SLC1A6: variants seen among roughly 807,000 people sequenced by gnomAD.
SLC1A6 encodes the protein solute carrier family 1 member 6.
In SLC1A6, 15 loss-of-function variants were observed where a neutral mutation model predicts 42.1. That is an observed-to-expected ratio of 0.36 (90% CI 0.24 to 0.55). The LOEUF (loss-of-function observed/expected upper bound fraction) is 0.55, where lower values mean the gene tolerates loss of function less well. SLC1A6 is among the 20% of genes least tolerant of loss of function. SLC1A6 has a pLI of 0.88. For missense variants in SLC1A6, 542 were observed against 772.5 expected (o/e 0.70, Z 3.54); for synonymous variants, 317 against 319.7 (o/e 0.99, Z 0.09).
chr19:14,967,679 G>A (rs898893120), intron 4 of SLC1A6, among the ~76,000 whole-genome samples: 4 of 152,180 alleles, frequency 2.6e-5, no homozygotes, highest in Non-Finnish European at 4.4e-5. Flanking sequence ...AATAAATTGT[G>A]TTCTAGCTGT....
intron 3 of SLC1A6, among the ~76,000 whole-genome samples, chr19:14,969,030 G>A (rs907595333): frequency 1.3e-5 from 2 of 151,912 alleles, no homozygotes; most frequent in Non-Finnish European, 2.9e-5. Flanking sequence ...AGTAGAGACG[G>A]GGTTTCACCA....
Position 14,996,822 on chromosome 19 carries a change from G to A in SLC1A6, c.6+13663C>T, listed in dbSNP as rs141720997. 5.9e-5 allele frequency among the ~76,000 whole-genome samples: 9 copies of A among 151,988 alleles called. No homozygotes were observed. The East Asian group carries it at 1.7e-3, about 29-fold the overall frequency. ...CATTAGGAAAGAAAGATTTTCTAGT[G>A]GGCCCCCAAGTCTACTCTCCATCCT... On this transcript the variant is annotated intron_variant, in intron 1 of 8. Transcript: ENST00000430939.
chr19:14,997,901 C>T (rs1310604161), intron 1 of SLC1A6, among the ~76,000 whole-genome samples: 1 of 151,902 alleles, frequency 6.6e-6, no homozygotes, highest in African/African-American at 2.4e-5. Context: ...GCCAAGAATC[C>T]TGGGCATTTC....
At position 14,972,872 on chromosome 19, in the gene SLC1A6, G is replaced by C; in HGVS notation, c.39C>G (p.Ser13Arg). The C allele has an allele frequency of 1.2e-6, 2 of 1,602,346 alleles. 1 individual carries two copies. Among genetic ancestry groups the C allele is most frequent in the South Asian group, 2.2e-5 (2 of 89,524 alleles). ...AGCCCACCCGGCCCAGCCGCTGGCC[G>C]CTCTCCCGCAGGAACAGGCTGTTGC... ...SHGNSLFLRESGQRLGRVGWL... is the reference protein window; with the variant it reads ...SHGNSLFLRERGQRLGRVGWL... Residue 13 changes from serine to arginine, a missense_variant, in exon 2 of 10, where the codon AGC (serine) becomes AGG (arginine). Ser to Arg is a moderately radical substitution (Grantham distance 110). Around this residue, in one of 6 missense-constraint regions of SLC1A6, gnomAD observed 88 missense variants for 85.5 expected, o/e 1.03. Transcript: ENST00000594383.
intron 1 of SLC1A6, among the ~76,000 whole-genome samples, chr19:15,001,775 C>T (rs1298519822): frequency 1.3e-5 from 2 of 152,102 alleles, no homozygotes; most frequent in Non-Finnish European, 2.9e-5. Flanking sequence ...GATTCTCCTT[C>T]TTCAGCCTCC....
rs948570563 is a variant in SLC1A6, at chr19:14,967,959, C to T, written c.548+344G>A. On this transcript the variant is annotated intron_variant, in intron 4 of 9. Coordinates refer to ENST00000594383, the MANE Select transcript of SLC1A6 (RefSeq NM_005071.3). ...GAAAAGACCTTTTGATGTATAAAGC[C>T]TAAATGTGATACATTTAAATGTTAA... Among the ~76,000 whole-genome samples, 6 of 152,236 alleles carry T rather than the reference C, an allele frequency of 3.9e-5. 1 individual carries two copies. Among genetic ancestry groups the T allele is most frequent in the African/African-American group, 1.4e-4 (6 of 41,536 alleles).
chr19:14,956,835 C>T, intron 6 of SLC1A6, 126 bp from the exon 7 acceptor site: 1 of 608,402 alleles, frequency 1.6e-6, no homozygotes, highest in Non-Finnish European at 2.9e-6. Context: ...GATACGGCAC[C>T]CTACTCCATC....
Position 14,950,073 on chromosome 19 carries a change from C to G in SLC1A6, c.*122G>C, listed in dbSNP as rs1464536542. 3 of 610,292 alleles carry G rather than the reference C, an allele frequency of 4.9e-6. No homozygotes were observed. Among genetic ancestry groups the G allele is most frequent in the Non-Finnish European group, 8.0e-6 (3 of 374,284 alleles). 37.8% of individuals were successfully genotyped at this position (610,292 alleles called of 1,614,324 possible). A position where few individuals can be genotyped will look rare whatever the true frequency, so the allele number is the denominator to read the frequency against. ...CTCCTTTATTTCACTTTTCCCTCCC[C>G]CCTAAATGAGTCAAGCAGAACGTGT... On this transcript the variant is annotated 3_prime_UTR_variant, in exon 10 of 10. Coordinates refer to ENST00000594383, the MANE Select transcript of SLC1A6 (RefSeq NM_005071.3).
chr19:14,982,293 G>C (rs2045772068), upstream of SLC1A6, among the ~76,000 whole-genome samples: 1 of 152,174 alleles, frequency 6.6e-6, no homozygotes, highest in Non-Finnish European at 1.5e-5. Flanking sequence ...CCTTTGGAAG[G>C]CCGAGGTGGG....
At chr19:14,998,755 A>T (rs2045858844) in intron 1 of SLC1A6, among the ~76,000 whole-genome samples, 1 of 151,876 alleles carries the variant, frequency 6.6e-6, no homozygotes, top group Non-Finnish European at 1.5e-5. Flanking sequence ...TTGTGAGGAA[A>T]ATCTACACTT....
intron 1 of SLC1A6, among the ~76,000 whole-genome samples, chr19:15,010,172 CAAGACTCTATGA>C (rs1485944933): frequency 7.9e-6 from 1 of 126,412 alleles, no homozygotes; most frequent in Admixed American, 8.3e-5. Flanking sequence ...GACGACAGTG[CAAGACTCTATGA>C]AAAAAAAAAA....
intron 1 of SLC1A6, chr19:14,973,571 G>A (rs983720141): frequency 1.3e-5 from 2 of 152,888 alleles, no homozygotes; most frequent in African/African-American, 4.8e-5. Flanking sequence ...CTGGGAAGAG[G>A]AGGAAACCAC....
intron 1 of SLC1A6, among the ~76,000 whole-genome samples, chr19:15,005,918 C>A (rs2045893914): frequency 6.6e-6 from 1 of 152,208 alleles, no homozygotes; most frequent in African/African-American, 2.4e-5. Context: ...AACAGAGGTG[C>A]TTCATACACC....
rs117333087 is a variant in SLC1A6 at position 15,007,227 on chromosome 19, C to A, written c.6+3258G>T. ...CCATGAAAAGGACAGAAGCACTGAT[C>A]CGTGCTACAACATGGACAAATCTGG... is the stretch of plus-strand genomic sequence containing the variant. On this transcript the variant is annotated intron_variant, in intron 1 of 8. Coordinates refer to the SLC1A6 transcript ENST00000430939. Among the ~76,000 whole-genome samples the A allele has an allele frequency of 2.1e-3, 325 of 152,262 alleles. 1 individual carries two copies. The highest frequency in any genetic ancestry group is 6.8e-3 in the Middle Eastern group (2 of 292).
intron 4 of SLC1A6, among the ~76,000 whole-genome samples, chr19:14,967,591 G>A (rs1268190665): frequency 1.3e-5 from 2 of 152,090 alleles, no homozygotes; most frequent in African/African-American, 4.8e-5. Flanking sequence ...GGCTCTTTGG[G>A]GCAATAAGAT....
chr19:15,006,631 C>G (rs780798689), intron 1 of SLC1A6, among the ~76,000 whole-genome samples: 1 of 151,084 alleles, frequency 6.6e-6, no homozygotes, highest in Non-Finnish European at 1.5e-5. Context: ...TCACTCAATA[C>G]GAAAATATTT....
intron 5 of SLC1A6, 80 bp from the exon 6 acceptor site, chr19:14,962,425 G>T: frequency 1.0e-6 from 1 of 960,292 alleles, no homozygotes; most frequent in Admixed American, 2.0e-5. Context: ...TGAGACCACT[G>T]ATTCCCAGTT....
upstream of SLC1A6, among the ~76,000 whole-genome samples, chr19:14,984,350 A>C (rs923599962): frequency 1.3e-5 from 2 of 152,166 alleles, no homozygotes; most frequent in Non-Finnish European, 2.9e-5. Context: ...AAAAAACAAA[A>C]AAAAAAGCAA....
At chr19:14,952,553 C>A (rs538307301) in intron 9 of SLC1A6, among the ~76,000 whole-genome samples, 28 of 151,818 alleles carry the variant, frequency 1.8e-4, no homozygotes, top group Non-Finnish European at 3.7e-4. Flanking sequence ...GCCTCCTGAG[C>A]AGCTGGGATT....
Sources: allele counts gnomAD v4.1 joint callset (sites outside exome capture counted in the v4.1 genomes callset), GRCh38; gene constraint gnomAD v4.1.1; regional missense constraint gnomAD v4.1.1; transcripts MANE v1.5; gene names NCBI Gene and HGNC (gene_info 2026-07-23, HGNC 2026-07-21).